Variants in CNTNAP5 observed in about 807,000 individuals in gnomAD.
CNTNAP5 encodes contactin associated protein family member 5.
In CNTNAP5, 72 loss-of-function variants were observed where a neutral mutation model predicts 150.2. The ratio of observed to expected loss-of-function variants is 0.48; its 90% CI spans 0.40 to 0.58. The LOEUF (loss-of-function observed/expected upper bound fraction) is 0.58. Ranked by LOEUF, CNTNAP5 falls within the 20% of genes least tolerant of loss-of-function variation. The pLI, the probability that CNTNAP5 is intolerant of heterozygous loss-of-function variation, is 0.00. For synonymous variants in CNTNAP5, 672 were observed against 619.8 expected (o/e 1.08, Z -1.25); for missense variants, 1,636 against 1,626.2 (o/e 1.01, Z -0.10).
chr2:124,703,256 T>C (rs1451432510), intron 13 of CNTNAP5, among the ~76,000 whole-genome samples: 2 of 145,452 alleles, frequency 1.4e-5, no homozygotes, highest in East Asian at 4.2e-4. Flanking sequence ...TTCTTCTTCC[T>C]TCCTGCCTTC....
At chr2:124,616,106 G>T (rs1310805719) in intron 12 of CNTNAP5, among the ~76,000 whole-genome samples, 1 of 152,096 alleles carries the variant, frequency 6.6e-6, no homozygotes, top group East Asian at 1.9e-4. Flanking sequence ...CTAGGATTTT[G>T]AGAATGGCAA....
At chr2:124,417,335 G>A (rs771407926) in intron 3 of CNTNAP5, 108 bp from the exon 4 acceptor site, 4 of 1,121,438 alleles carry the variant, frequency 3.6e-6, no homozygotes, top group South Asian at 1.6e-5. Flanking sequence ...TGAAATACGT[G>A]AGAAATTAGG....
chr2:124,451,051 A>AT (rs1553469334), intron 6 of CNTNAP5, among the ~76,000 whole-genome samples: 62 of 65,264 alleles, frequency 9.5e-4, no homozygotes, highest in South Asian at 2.0e-3. Flanking sequence ...AAAAAAAAAA[A>AT]ATATATATAT....
chr2:124,779,480 C>A (rs1681402409), intron 17 of CNTNAP5, among the ~76,000 whole-genome samples: 1 of 152,186 alleles, frequency 6.6e-6, no homozygotes, highest in Admixed American at 6.5e-5. Context: ...ACCTGAGAAT[C>A]AGGTATATTT....
chr2:124,648,559 C>A lies in CNTNAP5; in HGVS notation c.2077+601C>A, dbSNP rs559209114. 2.0e-5 allele frequency among the ~76,000 whole-genome samples: 3 copies of A among 152,140 alleles called. No individual in the cohort carries two copies. The South Asian group carries it at 6.2e-4, about 32-fold the overall frequency. ...TCTAGAAAAAATTAAACTAACACTG[C>A]ATATGAATTTATTTATTTTCCCATG... is the stretch of plus-strand genomic sequence containing the variant. On this transcript the variant is annotated intron_variant, in intron 13 of 23. Coordinates refer to ENST00000682447, the MANE Select transcript of CNTNAP5 (RefSeq NM_001367498.1).
Position 124,086,188 on chromosome 2 carries a change from CTTTTTTTTTTTT to C in CNTNAP5, c.82+60471_82+60482del, listed in dbSNP as rs57849633. 2.1e-3 allele frequency among the ~76,000 whole-genome samples: 176 copies of C among 82,022 alleles called. 3 individuals carry two copies. The highest frequency in any genetic ancestry group is 0.012 in the Admixed American group (81 of 6,604). The allele number at this position is 82,022 out of a possible 152,430, so 53.8% of individuals were successfully genotyped here. On this transcript the variant is annotated intron_variant, in intron 1 of 23. Transcript: ENST00000682447. ...TGCAGCTTTGTTTTTGGTGTACACA[CTTTTTTTTTTTT>C]TTTTTTTTTTTTTTGAAACCGAGTC...
intron 13 of CNTNAP5, among the ~76,000 whole-genome samples, chr2:124,732,903 C>T (rs1249986657): frequency 6.6e-6 from 1 of 152,074 alleles, no homozygotes; most frequent in Non-Finnish European, 1.5e-5. Flanking sequence ...GAGGGATTTC[C>T]ACTTTGATTA....
chr2:124,030,032 CA>C (rs1336059512), intron 1 of CNTNAP5, among the ~76,000 whole-genome samples: 1 of 152,088 alleles, frequency 6.6e-6, no homozygotes, highest in African/African-American at 2.4e-5. Context: ...CTTCATTCAT[CA>C]AAACTCTGCC....
At chr2:124,147,464 T>C (rs1478331578) in intron 1 of CNTNAP5, among the ~76,000 whole-genome samples, 2 of 152,202 alleles carry the variant, frequency 1.3e-5, no homozygotes, top group Non-Finnish European at 2.9e-5. Flanking sequence ...CTCCACCAAA[T>C]GAATTTTGGG....
chr2:124,780,359 G>C (rs555033516), intron 17 of CNTNAP5, among the ~76,000 whole-genome samples: 1 of 152,196 alleles, frequency 6.6e-6, no homozygotes, highest in East Asian at 1.9e-4. Flanking sequence ...CACTCAATTG[G>C]TGTAATGGCT....
chr2:124,397,450 A>G (rs1256720714), intron 3 of CNTNAP5, among the ~76,000 whole-genome samples: 3 of 152,280 alleles, frequency 2.0e-5, no homozygotes, highest in Middle Eastern at 6.8e-3. Context: ...AAAGGCACTA[A>G]TTCCATCACA....
At chr2:124,167,435 A>G (rs953535049) in intron 1 of CNTNAP5, among the ~76,000 whole-genome samples, 3 of 152,224 alleles carry the variant, frequency 2.0e-5, no homozygotes, top group African/African-American at 7.2e-5. Context: ...AAACAAAACA[A>G]TTTTGTAAAA....
chr2:124,900,828 G>T (rs1028455589), intron 21 of CNTNAP5, among the ~76,000 whole-genome samples: 1 of 151,446 alleles, frequency 6.6e-6, no homozygotes, highest in Non-Finnish European at 1.5e-5. Flanking sequence ...CTTGTCTTCT[G>T]CCTCTTCCTC....
chr2:124,170,875 A>G (rs938286695), intron 1 of CNTNAP5, among the ~76,000 whole-genome samples: 1 of 151,938 alleles, frequency 6.6e-6, no homozygotes, highest in Non-Finnish European at 1.5e-5. Flanking sequence ...CCCATGGCAC[A>G]TCCCTTCTAG....
intron 13 of CNTNAP5, among the ~76,000 whole-genome samples, chr2:124,656,867 G>GT (rs1678468935): frequency 6.6e-6 from 1 of 152,202 alleles, no homozygotes; most frequent in Non-Finnish European, 1.5e-5. Flanking sequence ...ATACGGTACA[G>GT]TGGCAGCACA....
At chr2:124,639,395 T>A (rs1678043048) in intron 12 of CNTNAP5, among the ~76,000 whole-genome samples, 1 of 152,072 alleles carries the variant, frequency 6.6e-6, no homozygotes, top group South Asian at 2.1e-4. Flanking sequence ...TTTTTGTCAA[T>A]CCCCTCCAGA....
rs943039588 is a variant in CNTNAP5 at position 124,685,910 on chromosome 2, G to T, written c.2077+37952G>T. 2.6e-5 allele frequency among the ~76,000 whole-genome samples: 4 copies of T among 151,794 alleles called. No individual in the cohort carries two copies. The East Asian group carries it at 5.8e-4, about 22-fold the overall frequency. The stretch of plus-strand genomic sequence containing the variant: ...ATTTTTTTTGCTGTTTTTTCCCTCC[G>T]CTTTCTAAGTTTCTTATTCTATAAT... On this transcript the variant is annotated intron_variant, in intron 13 of 23. Coordinates refer to ENST00000682447, the MANE Select transcript of CNTNAP5 (RefSeq NM_001367498.1).
intron 5 of CNTNAP5, among the ~76,000 whole-genome samples, chr2:124,442,097 G>A (rs1692688704): frequency 6.6e-6 from 1 of 152,094 alleles, no homozygotes. Flanking sequence ...AAAATTATAA[G>A]GAGAAGAATT....
chr2:124,146,945 T>C (rs1684268422), intron 1 of CNTNAP5, among the ~76,000 whole-genome samples: 1 of 152,138 alleles, frequency 6.6e-6, no homozygotes, highest in South Asian at 2.1e-4. Flanking sequence ...GGAGCTCACA[T>C]TTGAGTGTGG....
Sources: allele counts gnomAD v4.1 joint callset (sites outside exome capture counted in the v4.1 genomes callset), GRCh38; gene constraint gnomAD v4.1.1; transcripts MANE v1.5; gene names NCBI Gene and HGNC (gene_info 2026-07-23, HGNC 2026-07-21).